MROH7: variants seen among roughly 807,000 people sequenced by gnomAD.
MROH7 encodes the protein maestro heat-like repeat-containing protein family member 7.
A neutral mutation model predicts 129.2 loss-of-function variants in MROH7; 113 were observed. The observed-to-expected ratio is 0.87, with a 90% confidence interval of 0.75 to 1.02. The LOEUF is 1.02. Ranked by LOEUF, MROH7 falls within the 50% of genes least tolerant of loss-of-function variation. The pLI is 0.00. For missense variants in MROH7, 1,601 were observed against 1,671.3 expected, an observed-to-expected ratio of 0.96 and a Z score of 0.73; for synonymous variants, 655 against 667.9, an observed-to-expected ratio of 0.98 and a Z score of 0.30.
intron 7 of MROH7, among the ~76,000 whole-genome samples, chr1:54,671,654 G>C (rs1365683834): frequency 6.6e-6 from 1 of 152,124 alleles, no homozygotes; most frequent in East Asian, 1.9e-4. Context: ...TGACCCTCAG[G>C]GTAGGATGAA....
chr1:54,661,097 T>C (rs559106585), intron 3 of MROH7, among the ~76,000 whole-genome samples: 2 of 152,076 alleles, frequency 1.3e-5, no homozygotes, highest in Non-Finnish European at 1.5e-5. Flanking sequence ...TCTTATTGGT[T>C]TGTGGGAATT....
intron 6 of MROH7, 110 bp from the exon 7 acceptor site, chr1:54,670,690 T>A: frequency 1.5e-6 from 1 of 656,488 alleles, no homozygotes; most frequent in Non-Finnish European, 2.2e-6. Flanking sequence ...CCTCGCCCGG[T>A]GCCTTTTCCC....
chr1:54,689,870 T>A (rs926745239), intron 15 of MROH7, among the ~76,000 whole-genome samples: 60 of 151,996 alleles, frequency 3.9e-4, no homozygotes, highest in African/African-American at 1.5e-3. Flanking sequence ...ATTAGCCAGG[T>A]GTGTGGTCCC....
At chr1:54,680,418 C>T (rs576962522) in intron 13 of MROH7, among the ~76,000 whole-genome samples, 2 of 152,320 alleles carry the variant, frequency 1.3e-5, no homozygotes, top group East Asian at 3.9e-4. Flanking sequence ...CGTGTCCGTC[C>T]TGACTCTGCC....
At chr1:54,675,116 C>T (rs1344223816) in intron 10 of MROH7, among the ~76,000 whole-genome samples, 2 of 152,108 alleles carry the variant, frequency 1.3e-5, no homozygotes, top group Non-Finnish European at 2.9e-5. Flanking sequence ...GCTGGGATTA[C>T]AGGCACACAT....
At chr1:54,663,065 G>C (rs1159334619) in intron 3 of MROH7, among the ~76,000 whole-genome samples, 1 of 152,152 alleles carries the variant, frequency 6.6e-6, no homozygotes, top group Non-Finnish European at 1.5e-5. Flanking sequence ...TTCATCACTT[G>C]AGTAGGATGG....
chr1:54,679,866 C>T, intron 12 of MROH7, 25 bp from the exon 13 acceptor site: 1 of 1,595,622 alleles, frequency 6.3e-7, no homozygotes, highest in Non-Finnish European at 8.5e-7. Flanking sequence ...TCCCCTTGCT[C>T]ATGGCTGCCC....
At chr1:54,680,560 G>T (rs1375397741) in intron 13 of MROH7, among the ~76,000 whole-genome samples, 1 of 152,206 alleles carries the variant, frequency 6.6e-6, no homozygotes, top group Non-Finnish European at 1.5e-5. Context: ...GGTGCTGAGT[G>T]CCTGCTCAGG....
chr1:54,686,171 AC>A (rs1645143662), intron 14 of MROH7, 86 bp from the exon 15 acceptor site: 1 of 1,247,650 alleles, frequency 8.0e-7, no homozygotes, highest in African/African-American at 1.5e-5. Context: ...CCCAGATCCT[AC>A]CTCCCAGAGA....
Position 54,668,909 on chromosome 1 carries a change from A to G in MROH7, c.1361A>G (p.Glu454Gly). 3 of 1,613,922 alleles carry G rather than the reference A, an allele frequency of 1.9e-6. No homozygotes were observed. The South Asian group carries it at 3.3e-5, about 18-fold the overall frequency. ...KSQDLLEAEG[E>G]KKTMIKKIMR... ...CAGGATCTGCTGGAGGCAGAAGGAG[A>G]AAAGAAGACCATGATAAAGAAGATT... Residue 454 changes from glutamate (E) to glycine (G), a missense_variant, in exon 5 of 24, where the codon GAA becomes GGA. Glu to Gly is a moderately conservative substitution (Grantham distance 98). Coordinates refer to ENST00000421030, the MANE Select transcript of MROH7 (RefSeq NM_001039464.4).
In MROH7 at chr1:54,653,547, C is replaced by G; in HGVS notation, c.621C>G (p.Asn207Lys). 1 of 1,614,172 alleles carries G rather than the reference C, an allele frequency of 6.2e-7. No individual in the cohort carries two copies. Among genetic ancestry groups the G allele is most frequent in the Non-Finnish European group, 8.5e-7 (1 of 1,180,030 alleles). The stretch of plus-strand genomic sequence containing the variant: ...AAGCACTCCTTATTCCAACCTCAAA[C>G]TCTTCTCTGGACCTTGACTCCAATC... Reference protein sequence around the residue: ...SSKALLIPTSNSSLDLDSNPL... With the variant: ...SSKALLIPTSKSSLDLDSNPL... The change falls in exon 3 of 24, where the codon AAC becomes AAG. Residue 207 changes from asparagine (N) to lysine (K), a missense_variant. Transcript: ENST00000421030.
In MROH7 at chr1:54,692,570, C is replaced by T. The variant is rs376681779; in HGVS notation, c.2849+9C>T. 2.1e-5 allele frequency: 29 copies of T among 1,388,306 alleles called. 1 individual carries two copies. The highest frequency in any genetic ancestry group is 1.9e-4 in the African/African-American group (13 of 69,462). The allele number at this position is 1,388,306 out of a possible 1,614,324, so 86.0% of individuals were successfully genotyped here. A position where few individuals can be genotyped will look rare whatever the true frequency, so the allele number is the denominator to read the frequency against. On this transcript the variant is annotated intron_variant, in intron 16 of 23. Transcript: ENST00000421030. ...GTGGCCTTGCTGGCAAGGTGAGTCC[C>T]GGGACCACCTTGGGGTTGGGGTGGG...
intron 3 of MROH7, among the ~76,000 whole-genome samples, chr1:54,661,673 A>G (rs1299616018): frequency 6.6e-6 from 1 of 151,296 alleles, no homozygotes; most frequent in African/African-American, 2.4e-5. Flanking sequence ...TTGGCTCACT[A>G]TAACCTCTGC....
chr1:54,685,326 G>A (rs1049408192), intron 14 of MROH7, among the ~76,000 whole-genome samples: 8 of 152,190 alleles, frequency 5.3e-5, no homozygotes, highest in East Asian at 1.9e-4. Context: ...TGGCCTGCAT[G>A]GAGTCCTAAT....
At chr1:54,686,205 A>G in intron 14 of MROH7, 53 bp from the exon 15 acceptor site, 1 of 1,486,668 alleles carries the variant, frequency 6.7e-7, no homozygotes, top group Non-Finnish European at 9.2e-7. Flanking sequence ...CCCAGCCAGG[A>G]GTGCTGGGAA....
chr1:54,671,214 C>T (rs544728453), intron 7 of MROH7, among the ~76,000 whole-genome samples: 42 of 151,172 alleles, frequency 2.8e-4, no homozygotes, highest in African/African-American at 9.5e-4. Context: ...GGTGAATCCC[C>T]GTCTCTACTG....
intron 3 of MROH7, among the ~76,000 whole-genome samples, chr1:54,656,550 C>T (rs749450556): frequency 2.2e-5 from 3 of 134,126 alleles, no homozygotes; most frequent in Non-Finnish European, 4.8e-5. Context: ...AGGCTGGGCG[C>T]GGTGGCTCAT....
intron 15 of MROH7, among the ~76,000 whole-genome samples, chr1:54,688,173 T>C (rs1356638219): frequency 6.7e-6 from 1 of 148,886 alleles, no homozygotes; most frequent in Non-Finnish European, 1.5e-5. Flanking sequence ...TGAGCCAAGA[T>C]TGCACCACTG....
At chr1:54,654,609 G>A (rs1644612726) in intron 3 of MROH7, among the ~76,000 whole-genome samples, 1 of 152,040 alleles carries the variant, frequency 6.6e-6, no homozygotes. Context: ...GGAGGCAGAG[G>A]TTACAGTGAG....
Sources: allele counts gnomAD v4.1 joint callset (sites outside exome capture counted in the v4.1 genomes callset), GRCh38; gene constraint gnomAD v4.1.1; transcripts MANE v1.5; gene names NCBI Gene and HGNC (gene_info 2026-07-23, HGNC 2026-07-21).